Variants in PLIN3 observed in about 807,000 individuals in gnomAD.
PLIN3 encodes the protein perilipin 3.
A neutral mutation model predicts 35.9 loss-of-function variants in PLIN3; 30 were observed. The ratio of observed to expected loss-of-function variants is 0.84; its 90% confidence interval spans 0.62 to 1.13. The LOEUF (loss-of-function observed/expected upper bound fraction) is 1.13. PLIN3 is among the 50% of genes most tolerant of loss of function. PLIN3 has a pLI of 0.00. For missense variants in PLIN3, 603 were observed against 596.9 expected (o/e 1.01, Z -0.11); for synonymous variants, 261 against 262.5 (o/e 0.99, Z 0.06).
At chr19:4,865,532 G>A (rs919517832) in intron 1 of PLIN3, among the ~76,000 whole-genome samples, 2 of 151,666 alleles carry the variant, frequency 1.3e-5, no homozygotes, top group African/African-American at 4.8e-5. Flanking sequence ...CTGTCTTATG[G>A]GCTGCTTTCC....
At chr19:4,840,070 C>T (rs1249000891) in intron 7 of PLIN3, among the ~76,000 whole-genome samples, 1 of 149,598 alleles carries the variant, frequency 6.7e-6, no homozygotes, top group Middle Eastern at 3.2e-3. Flanking sequence ...CAGGTTCAAG[C>T]GATTCTCCTA....
chr19:4,848,529 C>A (rs771114835), intron 5 of PLIN3, among the ~76,000 whole-genome samples: 23 of 152,222 alleles, frequency 1.5e-4, no homozygotes, highest in Non-Finnish European at 2.6e-4. Context: ...TAACAGCATT[C>A]CAGCCAGCAA....
intron 7 of PLIN3, among the ~76,000 whole-genome samples, chr19:4,843,379 G>A (rs2029971775): frequency 6.6e-6 from 1 of 151,622 alleles, no homozygotes; most frequent in African/African-American, 2.4e-5. Context: ...CTGGTGGCGG[G>A]CGCCTGTAGT....
chr19:4,839,339 A>C lies in PLIN3; in HGVS notation c.1158T>G (p.Ile386Met). The change falls in exon 8 of 8, where the codon ATT (isoleucine) becomes ATG (methionine). Residue 386 changes from isoleucine (I) to methionine (M), a missense_variant. Transcript: ENST00000221957. ...IHSFQDLSSS[I>M]LAQSRERVAS... The stretch of plus-strand genomic sequence containing the variant: ...CGACACGCTCACGGCTCTGGGCCAG[A>C]ATGCTGCTGGACAGGTCCTGGAAGG... The C allele has an allele frequency of 6.2e-7, 1 of 1,613,962 alleles. No individual in the cohort carries two copies. The highest frequency in any genetic ancestry group is 8.5e-7 in the Non-Finnish European group (1 of 1,179,916).
chr19:4,857,758 C>T (rs2030520794), intron 4 of PLIN3, among the ~76,000 whole-genome samples: 1 of 151,194 alleles, frequency 6.6e-6, no homozygotes, highest in Non-Finnish European at 1.5e-5. Flanking sequence ...GGTGGATCAC[C>T]TGAGGTCGGG....
intron 7 of PLIN3, among the ~76,000 whole-genome samples, chr19:4,840,942 C>A (rs768940126): frequency 2.0e-5 from 3 of 152,120 alleles, no homozygotes; most frequent in Non-Finnish European, 4.4e-5. Flanking sequence ...GAGACTCTGT[C>A]TCAAAAACAA....
chr19:4,852,071 C>T lies in PLIN3; in HGVS notation c.579G>A (p.Leu193=), dbSNP rs371541988. The T allele has an allele frequency of 2.5e-5, 40 of 1,613,880 alleles. No individual in the cohort carries two copies. Among genetic ancestry groups the T allele is most frequent in the Middle Eastern group, 1.6e-4 (1 of 6,084 alleles). Residue 193 remains leucine (L), a synonymous_variant, in exon 5 of 8, where the codon CTG becomes CTA. Transcript: ENST00000221957. ...QMVLSGVDTV[L]GKSEEWADNH... Reference sequence around the variant, plus strand: ...TGTCCGCCCACTCCTCCGACTTCCCCAGCACCGTGTCGACCCCACTCAACA... The same window carrying T: ...TGTCCGCCCACTCCTCCGACTTCCCTAGCACCGTGTCGACCCCACTCAACA...
intron 4 of PLIN3, among the ~76,000 whole-genome samples, chr19:4,852,939 C>G (rs999446129): frequency 1.3e-5 from 2 of 151,964 alleles, no homozygotes; most frequent in African/African-American, 4.8e-5. Context: ...CTCAGCCTCC[C>G]GAGTAGCTGG....
chr19:4,852,348 G>A, intron 4 of PLIN3, 47 bp from the exon 5 acceptor site: 2 of 1,574,902 alleles, frequency 1.3e-6, no homozygotes, highest in Non-Finnish European at 1.7e-6. Context: ...CTCCATATCT[G>A]GGCACCCCTC....
intron 3 of PLIN3, 21 bp from the exon 4 acceptor site, chr19:4,859,693 G>C: frequency 6.2e-7 from 1 of 1,612,472 alleles, no homozygotes; most frequent in Non-Finnish European, 8.5e-7. Context: ...CAATTAAGAC[G>C]CAAATGTGAC....
intron 7 of PLIN3, 47 bp downstream of exon 7, chr19:4,844,621 C>A (rs17363814): frequency 2.6e-6 from 4 of 1,553,246 alleles, no homozygotes; most frequent in Non-Finnish European, 3.5e-6. Context: ...AGAGTGGCAT[C>A]GGGACTCCAA....
intron 3 of PLIN3, 28 bp downstream of exon 3, chr19:4,859,798 A>G: frequency 2.5e-6 from 4 of 1,611,158 alleles, no homozygotes; most frequent in Non-Finnish European, 2.5e-6. Context: ...CAGGAGGGGA[A>G]TTCAGTGCCC....
rs1391352216 is a variant in PLIN3 at position 4,860,112 on chromosome 19, T to C, written c.67-88A>G. On this transcript the variant is annotated intron_variant, in intron 2 of 7. Coordinates refer to ENST00000221957, the MANE Select transcript of PLIN3 (RefSeq NM_005817.5). ...TCAGGGTGCCCTGCAGTTTTGCTCT[T>C]ACTCCTGGCCAGTGAAACGGCTCAG... 9.4e-6 allele frequency: 11 copies of C among 1,171,318 alleles called. No homozygotes were observed. The East Asian group carries it at 1.8e-4, about 19-fold the overall frequency. The allele number at this position is 1,171,318 out of a possible 1,614,324, so 72.6% of individuals were successfully genotyped here.
chr19:4,840,509 TCCCAA>T (rs1199452200), intron 7 of PLIN3, among the ~76,000 whole-genome samples: 14 of 152,160 alleles, frequency 9.2e-5, no homozygotes, highest in Non-Finnish European at 1.0e-4. Flanking sequence ...CACTTCAGCC[TCCCAA>T]AATGCTGGAA....
Position 4,859,573 on chromosome 19 carries a change from A to T in PLIN3, c.348+17T>A. The T allele has an allele frequency of 6.2e-7, 1 of 1,610,180 alleles. No homozygotes were observed. The highest frequency in any genetic ancestry group is 8.5e-7 in the Non-Finnish European group (1 of 1,176,474). ...GGTCCCTGTCTCGACAGAGCCCCTG[A>T]GGACGGACATCGTTACCTTCTCCGT... is the stretch of plus-strand genomic sequence containing the variant. On this transcript the variant is annotated intron_variant, in intron 4 of 7. Transcript: ENST00000221957.
intron 5 of PLIN3, among the ~76,000 whole-genome samples, chr19:4,851,812 G>C (rs1277097773): frequency 6.6e-6 from 1 of 152,058 alleles, no homozygotes; most frequent in African/African-American, 2.4e-5. Context: ...TGGCTGCTGT[G>C]GGGAGGAGAC....
At chr19:4,854,758 CA>C in intron 4 of PLIN3, among the ~76,000 whole-genome samples, 1 of 151,888 alleles carries the variant, frequency 6.6e-6, no homozygotes, top group Non-Finnish European at 1.5e-5. Flanking sequence ...TACCTCTTCA[CA>C]AAGGGGGAAA....
At chr19:4,851,253 T>A (rs562501556) in intron 5 of PLIN3, among the ~76,000 whole-genome samples, 44 of 152,090 alleles carry the variant, frequency 2.9e-4, no homozygotes, top group African/African-American at 1.0e-3. Context: ...GATCACAAGG[T>A]CAGGAGTTCG....
chr19:4,846,199 A>G (rs760877860), intron 6 of PLIN3, among the ~76,000 whole-genome samples: 1 of 151,992 alleles, frequency 6.6e-6, no homozygotes, highest in Admixed American at 6.6e-5. Context: ...AAAAGAAAAG[A>G]AAAATAAATA....
Sources: allele counts gnomAD v4.1 joint callset (sites outside exome capture counted in the v4.1 genomes callset), GRCh38; gene constraint gnomAD v4.1.1; transcripts MANE v1.5; gene names NCBI Gene and HGNC (gene_info 2026-07-23, HGNC 2026-07-21).